MTCL2: variants seen among roughly 807,000 people sequenced by gnomAD.
The protein encoded by MTCL2 is microtubule cross-linking factor 2.
the MTCL2 span, among the ~76,000 whole-genome samples, chr20:36,826,811 G>T: frequency 3.9e-5 from 6 of 152,142 alleles, no homozygotes; most frequent in Non-Finnish European, 7.3e-5. Context: ...ATGAACACGG[G>T]TGTGTAAATA....
chr20:36,808,435 AAT>A, the MTCL2 span: 1 of 1,218,408 alleles, frequency 8.2e-7, no homozygotes, highest in Non-Finnish European at 1.2e-6. Flanking sequence ...GAGTTGTGTC[AAT>A]ACCAGCTGGG....
At chr20:36,855,302 G>T in the MTCL2 span, among the ~76,000 whole-genome samples, 1 of 152,240 alleles carries the variant, frequency 6.6e-6, no homozygotes, top group Non-Finnish European at 1.5e-5. Context: ...AAAAGGCAGA[G>T]CTGGGATTCC....
chr20:36,780,276 G>A, the MTCL2 span: 1 of 151,826 alleles, frequency 6.6e-6, no homozygotes, highest in African/African-American at 2.4e-5. Context: ...AAAAAAAAAA[G>A]TAGAATAGAG....
At chr20:36,801,040 C>CT in the MTCL2 span, among the ~76,000 whole-genome samples, 19 of 151,754 alleles carry the variant, frequency 1.3e-4, no homozygotes, top group East Asian at 2.9e-3. Context: ...ACAACTTGAA[C>CT]TTTTTTTTTC....
the MTCL2 span, among the ~76,000 whole-genome samples, chr20:36,789,312 T>C: frequency 6.6e-6 from 1 of 152,176 alleles, no homozygotes; most frequent in Non-Finnish European, 1.5e-5. Flanking sequence ...TGCCGAGATA[T>C]TACGTAAAAC....
the MTCL2 span, among the ~76,000 whole-genome samples, chr20:36,841,268 G>A: frequency 5.9e-5 from 9 of 151,570 alleles, no homozygotes; most frequent in Non-Finnish European, 1.3e-4. Context: ...AGGAGGCAGA[G>A]GATGCAGTGA....
the MTCL2 span, among the ~76,000 whole-genome samples, chr20:36,850,175 C>G: frequency 6.6e-6 from 1 of 152,108 alleles, no homozygotes; most frequent in Non-Finnish European, 1.5e-5. Context: ...CTGAGCCCAC[C>G]CACTCCCATG....
chr20:36,783,584 G>C, the MTCL2 span: 1 of 172,886 alleles, frequency 5.8e-6, no homozygotes, highest in Non-Finnish European at 1.1e-5. Context: ...AAGGATAAAG[G>C]AGGAGAAGAA....
the MTCL2 span, chr20:36,794,056 A>G: frequency 1.3e-6 from 2 of 1,551,082 alleles, no homozygotes; most frequent in Non-Finnish European, 1.7e-6. The surrounding 1 kb of genome is among the most constrained non-coding windows in gnomAD (Gnocchi z 5.4). Context: ...TCATGTCATC[A>G]CTCATGTTGC....
the MTCL2 span, among the ~76,000 whole-genome samples, chr20:36,853,596 G>A: frequency 1.4e-3 from 208 of 152,184 alleles, 1 homozygote; most frequent in African/African-American, 4.7e-3. Flanking sequence ...ACAAGCAAAC[G>A]GAGGCCCAGG....
At chr20:36,828,850 T>G in the MTCL2 span, 1 of 570,498 alleles carries the variant, frequency 1.8e-6, no homozygotes, top group South Asian at 2.3e-5. Flanking sequence ...TGTTCACCAT[T>G]GTAACCTTAG....
At chr20:36,784,057 G>A in the MTCL2 span, 1 of 985,508 alleles carries the variant, frequency 1.0e-6, no homozygotes, top group Non-Finnish European at 1.2e-6. Context: ...ACGATGGTAA[G>A]GCTGAGTGGT....
chr20:36,803,710 C>T, the MTCL2 span, among the ~76,000 whole-genome samples: 1 of 152,050 alleles, frequency 6.6e-6, no homozygotes, highest in South Asian at 2.1e-4. Flanking sequence ...ACTCCCAGCG[C>T]TTTGGGAGGC....
the MTCL2 span, among the ~76,000 whole-genome samples, chr20:36,830,437 A>G: frequency 1.3e-5 from 2 of 152,152 alleles, no homozygotes; most frequent in Non-Finnish European, 2.9e-5. Flanking sequence ...GCATGGTGGC[A>G]CACACCTACA....
At chr20:36,832,095 G>A in the MTCL2 span, among the ~76,000 whole-genome samples, 1 of 152,256 alleles carries the variant, frequency 6.6e-6, no homozygotes, top group Non-Finnish European at 1.5e-5. Context: ...ATAAATGCTT[G>A]TTGGATGAAC....
At chr20:36,813,184 G>A in the MTCL2 span, among the ~76,000 whole-genome samples, 3 of 152,158 alleles carry the variant, frequency 2.0e-5, no homozygotes, top group South Asian at 2.1e-4. Flanking sequence ...GAACCAAAAG[G>A]GAGATAACAT....
the MTCL2 span, among the ~76,000 whole-genome samples, chr20:36,800,052 C>T: frequency 1.3e-5 from 2 of 152,190 alleles, no homozygotes; most frequent in Non-Finnish European, 2.9e-5. Flanking sequence ...GCTTAATCGT[C>T]AGTCCAGTGT....
the MTCL2 span, among the ~76,000 whole-genome samples, chr20:36,813,257 G>A: frequency 4.8e-4 from 66 of 137,682 alleles, 1 homozygote; most frequent in East Asian, 0.012. Flanking sequence ...AGGCTACAGC[G>A]AGCTGTGATC....
chr20:36,794,751 A>G, the MTCL2 span: 2 of 936,320 alleles, frequency 2.1e-6, no homozygotes, highest in Non-Finnish European at 3.2e-6. The surrounding 1 kb of genome is among the most constrained non-coding windows in gnomAD (Gnocchi z 5.4). Flanking sequence ...GCCCAGTCCC[A>G]CATTCTGTCT....
Sources: gnomAD v4.1 joint callset for allele counts (sites outside exome capture counted in the v4.1 genomes callset) on GRCh38, gnomAD v4.1.1 for gene constraint, Gnocchi (gnomAD v3.1) non-coding constraint, MANE v1.5 for transcripts, NCBI Gene and HGNC (gene_info 2026-07-23, HGNC 2026-07-21) for gene names.